The following MTOR variants were observed in gnomAD, a reference collection of about 807,000 sequenced individuals.
MTOR encodes mechanistic target of rapamycin kinase.
A neutral mutation model predicts 319.8 loss-of-function variants in MTOR; 70 were observed. That is an observed-to-expected ratio of 0.22 (90% CI 0.18 to 0.27). The LOEUF (loss-of-function observed/expected upper bound fraction) is 0.27, where lower values mean the gene tolerates loss of function less well. Among genes scored for constraint, MTOR ranks in the 10% least tolerant of loss-of-function variants. MTOR has a pLI of 1.00. For synonymous variants in MTOR, 1,183 were observed against 1,211.4 expected, an observed-to-expected ratio of 0.98 and a Z score of 0.49; for missense variants, 1,890 against 3,274.4, an observed-to-expected ratio of 0.58 and a Z score of 10.32.
rs181910199 is a variant in MTOR at position 11,257,178 on chromosome 1, G to C, written c.272-13C>G. 8.3e-4 allele frequency: 1,329 copies of C among 1,606,160 alleles called. 3 individuals are homozygous for C. The Middle Eastern group carries it at 9.3e-3, about 11-fold the overall frequency. On this transcript the variant is annotated splice_polypyrimidine_tract_variant and intron_variant, in intron 3 of 57. Coordinates refer to ENST00000361445, the MANE Select transcript of MTOR (RefSeq NM_004958.4). ...CCTATGAGGCTAGCTGCAAAAGAGAGGAAGGCAAAAGGTGATGATGGGGCG... is the reference window on the plus strand; with the variant it reads ...CCTATGAGGCTAGCTGCAAAAGAGACGAAGGCAAAAGGTGATGATGGGGCG...
At chr1:11,208,645 G>A (rs1646215703) in intron 25 of MTOR, among the ~76,000 whole-genome samples, 1 of 152,254 alleles carries the variant, frequency 6.6e-6, no homozygotes, top group Admixed American at 6.5e-5. Context: ...TAAAGTTGGT[G>A]AAGTAATTAT....
chr1:11,170,098 G>A (rs569738070), intron 28 of MTOR, among the ~76,000 whole-genome samples: 6 of 152,344 alleles, frequency 3.9e-5, no homozygotes, highest in Non-Finnish European at 7.3e-5. Context: ...ACCAGAATAT[G>A]CTCCATAAGT....
intron 13 of MTOR, among the ~76,000 whole-genome samples, chr1:11,235,319 G>A (rs1254624988): frequency 1.3e-5 from 2 of 152,028 alleles, no homozygotes; most frequent in Non-Finnish European, 2.9e-5. Context: ...GACCAAGACC[G>A]CAAGAAAGGC....
intron 28 of MTOR, chr1:11,192,415 C>T (rs769205362): frequency 6.7e-7 from 1 of 1,491,120 alleles, no homozygotes; most frequent in South Asian, 1.1e-5. Context: ...ACCTGTCCTT[C>T]ACCCCCTCAA....
intron 19 of MTOR, among the ~76,000 whole-genome samples, chr1:11,224,583 T>C (rs193155227): frequency 1.8e-4 from 27 of 152,172 alleles, no homozygotes; most frequent in Non-Finnish European, 3.1e-4. Flanking sequence ...TAATGACTTA[T>C]GTAAAACCCT....
intron 28 of MTOR, among the ~76,000 whole-genome samples, chr1:11,171,865 T>C (rs1035139509): frequency 4.0e-5 from 6 of 151,826 alleles, no homozygotes; most frequent in African/African-American, 1.5e-4. Context: ...TGAAACCCCA[T>C]CTCTACTAAA....
chr1:11,118,269 C>T (rs1400028582), intron 49 of MTOR, among the ~76,000 whole-genome samples: 3 of 99,108 alleles, frequency 3.0e-5, no homozygotes, highest in Non-Finnish European at 5.5e-5. Flanking sequence ...CAGAGTCTTG[C>T]TCTATTGCCC....
intron 46 of MTOR, among the ~76,000 whole-genome samples, chr1:11,126,041 CAAA>C (rs757246303): frequency 0.11 from 3,017 of 27,754 alleles, 29 homozygotes; most frequent in South Asian, 0.2. Context: ...AACTCTGGCT[CAAA>C]AAAAAAAAAA....
intron 49 of MTOR, among the ~76,000 whole-genome samples, chr1:11,120,376 T>C (rs1040745672): frequency 6.6e-6 from 1 of 152,034 alleles, no homozygotes; most frequent in Admixed American, 6.6e-5. Flanking sequence ...CTGTCTCTAC[T>C]AAGAATACAA....
intron 29 of MTOR, among the ~76,000 whole-genome samples, chr1:11,163,786 G>C (rs915370319): frequency 1.3e-5 from 2 of 152,202 alleles, no homozygotes; most frequent in East Asian, 3.8e-4. Context: ...TTAAAGCAGG[G>C]TGTGGAGGGA....
At chr1:11,137,085 G>A (rs900157832) in intron 36 of MTOR, among the ~76,000 whole-genome samples, 7 of 134,340 alleles carry the variant, frequency 5.2e-5, no homozygotes, top group South Asian at 2.4e-4. Flanking sequence ...CAAGTGATTC[G>A]CCTGCCTCAG....
chr1:11,215,607 G>A (rs549067063), intron 20 of MTOR, among the ~76,000 whole-genome samples: 3 of 152,294 alleles, frequency 2.0e-5, no homozygotes, highest in African/African-American at 7.2e-5. Flanking sequence ...TGCCCATGGG[G>A]TGTCTTCTGG....
intron 47 of MTOR, among the ~76,000 whole-genome samples, chr1:11,122,453 G>A (rs1018663310): frequency 1.3e-5 from 2 of 150,634 alleles, no homozygotes; most frequent in East Asian, 2.0e-4. Context: ...CGCCTGCCTC[G>A]GCCTCCCAAA....
At chr1:11,157,114 T>A (rs532711823) in intron 30 of MTOR, 38 bp downstream of exon 30, 1 of 1,554,424 alleles carries the variant, frequency 6.4e-7, no homozygotes, top group South Asian at 1.2e-5. Context: ...AGACGAAGTC[T>A]CTTGCAGCCA....
intron 1 of MTOR, among the ~76,000 whole-genome samples, chr1:11,259,627 G>A (rs1650855496): frequency 6.6e-6 from 1 of 152,152 alleles, no homozygotes; most frequent in Admixed American, 6.5e-5. Context: ...CAGTGTAGTA[G>A]GGAGGTTAAA....
intron 29 of MTOR, among the ~76,000 whole-genome samples, chr1:11,160,006 GC>G (rs1644425405): frequency 6.6e-6 from 1 of 152,132 alleles, no homozygotes; most frequent in Admixed American, 6.6e-5. Flanking sequence ...GCCAAAGATG[GC>G]AGTAGGGAAG....
chr1:11,129,126 T>C lies in MTOR; in HGVS notation c.5715-175A>G, dbSNP rs982223760. Among the ~76,000 whole-genome samples the C allele has an allele frequency of 1.3e-5, 2 of 152,176 alleles. No homozygotes were observed. The highest frequency in any genetic ancestry group is 4.8e-5 in the African/African-American group (2 of 41,450). On this transcript the variant is annotated intron_variant, in intron 40 of 57. Transcript: ENST00000361445. The surrounding 1 kb of genome is among the most constrained non-coding windows in gnomAD (Gnocchi z 4.7). ...TGTGATGGGTGGCAGTGCTCTTGAC[T>C]GAACACCGTAAGAGTCACCCTGAGC...
intron 28 of MTOR, among the ~76,000 whole-genome samples, chr1:11,175,908 C>T (rs1644973837): frequency 6.6e-6 from 1 of 152,126 alleles, no homozygotes; most frequent in South Asian, 2.1e-4. Flanking sequence ...TACTGCCCAG[C>T]TAATTTTTCT....
At chr1:11,193,345 A>T (rs1385348210) in intron 28 of MTOR, among the ~76,000 whole-genome samples, 1 of 151,610 alleles carries the variant, frequency 6.6e-6, no homozygotes. Flanking sequence ...TTTCCCTCCA[A>T]GCTTCATGTG....
Sources: gnomAD v4.1 joint callset for allele counts (sites outside exome capture counted in the v4.1 genomes callset) on GRCh38, gnomAD v4.1.1 for gene constraint, Gnocchi (gnomAD v3.1) non-coding constraint, MANE v1.5 for transcripts, NCBI Gene and HGNC (gene_info 2026-07-23, HGNC 2026-07-21) for gene names.